RAB3C: variants seen among roughly 807,000 people sequenced by gnomAD.
RAB3C encodes RAB3C, member RAS oncogene family, also known as ras-related protein Rab-3C.
RAB3C carries 17 observed loss-of-function variants against 26.4 expected under a neutral mutation model. The observed-to-expected ratio is 0.64, with a 90% CI of 0.44 to 0.97. The LOEUF (loss-of-function observed/expected upper bound fraction) is 0.97. RAB3C is among the 50% of genes least tolerant of loss of function. The pLI is 0.00. For missense variants in RAB3C, 242 were observed against 281.9 expected (o/e 0.86, Z 1.01); for synonymous variants, 91 against 95.9 (o/e 0.95, Z 0.30).
intron 2 of RAB3C, among the ~76,000 whole-genome samples, chr5:58,681,300 C>T (rs188448012): frequency 1.3e-5 from 2 of 152,280 alleles, no homozygotes; most frequent in Non-Finnish European, 2.9e-5. Flanking sequence ...ACAATCATTA[C>T]AGATGAATAT....
At chr5:58,657,721 G>A (rs1191326007) in intron 2 of RAB3C, among the ~76,000 whole-genome samples, 2 of 152,154 alleles carry the variant, frequency 1.3e-5, no homozygotes, top group Non-Finnish European at 2.9e-5. Context: ...ATCCTCTGGA[G>A]GATTTCAAGG....
At chr5:58,818,342 A>G (rs987458310) in intron 3 of RAB3C, among the ~76,000 whole-genome samples, 8 of 152,260 alleles carry the variant, frequency 5.3e-5, no homozygotes, top group African/African-American at 1.9e-4. Flanking sequence ...GTGAAACATC[A>G]TAAAATATCA....
chr5:58,707,163 A>G (rs150945926), intron 2 of RAB3C, among the ~76,000 whole-genome samples: 1 of 152,344 alleles, frequency 6.6e-6, no homozygotes, highest in African/African-American at 2.4e-5. Context: ...GACAACCTGT[A>G]TCTTCACTCC....
chr5:58,683,563 T>C (rs1257761684), intron 2 of RAB3C, among the ~76,000 whole-genome samples: 1 of 152,180 alleles, frequency 6.6e-6, no homozygotes, highest in Non-Finnish European at 1.5e-5. Flanking sequence ...AAATGTATAG[T>C]TGTTCCCCCT....
chr5:58,616,866 C>T (rs544586046), intron 1 of RAB3C, among the ~76,000 whole-genome samples: 135 of 152,196 alleles, frequency 8.9e-4, no homozygotes, highest in Non-Finnish European at 1.7e-3. Context: ...CCTCCCTAGT[C>T]GTCATTTGGA....
At chr5:58,632,456 C>T (rs896359790) in intron 2 of RAB3C, among the ~76,000 whole-genome samples, 3 of 152,162 alleles carry the variant, frequency 2.0e-5, no homozygotes, top group African/African-American at 7.2e-5. Context: ...CAGGTGATAA[C>T]TGCCATTCTG....
intron 2 of RAB3C, among the ~76,000 whole-genome samples, chr5:58,694,701 T>C (rs1241369059): frequency 6.6e-6 from 1 of 152,258 alleles, no homozygotes; most frequent in Non-Finnish European, 1.5e-5. Context: ...TGAGCATTTT[T>C]TCATGTGTCT....
intron 2 of RAB3C, among the ~76,000 whole-genome samples, chr5:58,690,894 T>C (rs1286020022): frequency 1.3e-5 from 2 of 152,180 alleles, no homozygotes; most frequent in Non-Finnish European, 2.9e-5. Context: ...AGATTTGTAA[T>C]AACTAATAAA....
At chr5:58,810,937 T>C (rs1281932135) in intron 3 of RAB3C, among the ~76,000 whole-genome samples, 1 of 152,078 alleles carries the variant, frequency 6.6e-6, no homozygotes, top group Non-Finnish European at 1.5e-5. Context: ...TGAAATTTGC[T>C]CCCACCAAAA....
At chr5:58,786,016 A>T (rs551134273) in intron 3 of RAB3C, among the ~76,000 whole-genome samples, 1 of 152,366 alleles carries the variant, frequency 6.6e-6, no homozygotes, top group Non-Finnish European at 1.5e-5. Context: ...CCAGAAAGGA[A>T]CTTGGCCCTG....
intron 2 of RAB3C, among the ~76,000 whole-genome samples, chr5:58,703,683 C>G (rs1748892235): frequency 6.6e-6 from 1 of 152,148 alleles, no homozygotes; most frequent in African/African-American, 2.4e-5. Context: ...TTGAGGGCTA[C>G]TAAAAGCTCA....
At chr5:58,818,815 A>G (rs1743275270) in intron 3 of RAB3C, among the ~76,000 whole-genome samples, 2 of 152,234 alleles carry the variant, frequency 1.3e-5, no homozygotes, top group Non-Finnish European at 1.5e-5. Context: ...GTGTCCCTCA[A>G]ATAAGAAATT....
At chr5:58,665,727 T>A (rs1747988699) in intron 2 of RAB3C, among the ~76,000 whole-genome samples, 4 of 152,216 alleles carry the variant, frequency 2.6e-5, no homozygotes, top group Admixed American at 2.6e-4. Flanking sequence ...AACTCCGTGT[T>A]ACTCATTTTC....
At chr5:58,717,891 C>T (rs552524152) in intron 2 of RAB3C, among the ~76,000 whole-genome samples, 6 of 152,190 alleles carry the variant, frequency 3.9e-5, no homozygotes, top group East Asian at 1.9e-4. Context: ...TGAGCCCAAT[C>T]GGCACATGGC....
At chr5:58,779,111 G>A (rs74751761) in intron 3 of RAB3C, among the ~76,000 whole-genome samples, 1 of 152,038 alleles carries the variant, frequency 6.6e-6, no homozygotes, top group Middle Eastern at 3.4e-3. Context: ...CGGCAGCCCA[G>A]AGCTGAACAC....
chr5:58,713,839 G>A (rs946284420), intron 2 of RAB3C, among the ~76,000 whole-genome samples: 2 of 152,090 alleles, frequency 1.3e-5, no homozygotes, highest in African/African-American at 4.8e-5. Flanking sequence ...AGGACGTATG[G>A]TTACCCTATC....
intron 1 of RAB3C, among the ~76,000 whole-genome samples, chr5:58,589,519 T>G (rs188016720): frequency 1.3e-5 from 2 of 152,320 alleles, no homozygotes; most frequent in Admixed American, 1.3e-4. Context: ...GAGTTCACCA[T>G]GAAGCCAGCG....
At chr5:58,731,785 T>A (rs747984459) in intron 3 of RAB3C, among the ~76,000 whole-genome samples, 1 of 152,200 alleles carries the variant, frequency 6.6e-6, no homozygotes, top group African/African-American at 2.4e-5. Context: ...TGTTCACTTC[T>A]GGGACTTTAA....
intron 3 of RAB3C, among the ~76,000 whole-genome samples, chr5:58,780,248 G>A (rs1413919305): frequency 6.6e-6 from 1 of 152,104 alleles, no homozygotes; most frequent in African/African-American, 2.4e-5. Context: ...GGAAGTATGA[G>A]CTCCAATTAA....
Sources: allele counts gnomAD v4.1 joint callset (sites outside exome capture counted in the v4.1 genomes callset), GRCh38; gene constraint gnomAD v4.1.1; transcripts MANE v1.5; gene names NCBI Gene and HGNC (gene_info 2026-07-23, HGNC 2026-07-21).